Variants in L3MBTL3 observed in about 807,000 individuals in gnomAD.
L3MBTL3 encodes the protein lethal(3)malignant brain tumor-like protein 3.
A neutral mutation model predicts 102.3 loss-of-function variants in L3MBTL3; 27 were observed. That is an observed-to-expected ratio of 0.26 (90% confidence interval 0.19 to 0.36). The LOEUF is 0.36. L3MBTL3 is among the 10% of genes least tolerant of loss of function. L3MBTL3 has a pLI of 1.00. For missense variants in L3MBTL3, 798 were observed against 955.3 expected, an observed-to-expected ratio of 0.84 and a Z score of 2.17; for synonymous variants, 340 against 320.9, an observed-to-expected ratio of 1.06 and a Z score of -0.64.
chr6:130,068,340 A>T lies in L3MBTL3; in HGVS notation c.1011A>T (p.Glu337Asp). The change falls in exon 12 of 23, where the codon GAA becomes GAT. Residue 337 changes from glutamate to aspartate, a missense_variant. Coordinates refer to ENST00000361794, the MANE Select transcript of L3MBTL3 (RefSeq NM_032438.4). ...HKLHPPKGYKEEEFNWQTYLK... is the reference protein window; with the variant it reads ...HKLHPPKGYKDEEFNWQTYLK... ...ATGTGCTTACTCTAGGGTATAAAGA[A>T]GAAGAATTCAATTGGCAGACCTATC... The T allele has an allele frequency of 6.3e-7, 1 of 1,581,494 alleles. No individual in the cohort carries two copies. Among genetic ancestry groups the T allele is most frequent in the Non-Finnish European group, 8.7e-7 (1 of 1,150,606 alleles).
chr6:130,042,373 G>A (rs953090766), intron 2 of L3MBTL3, among the ~76,000 whole-genome samples: 3 of 152,024 alleles, frequency 2.0e-5, no homozygotes, highest in African/African-American at 7.2e-5. Flanking sequence ...TATCCATATG[G>A]CATTATGACT....
chr6:130,023,525 G>C (rs148255377), intron 2 of L3MBTL3, among the ~76,000 whole-genome samples: 1 of 152,178 alleles, frequency 6.6e-6, no homozygotes, highest in Admixed American at 6.5e-5. Flanking sequence ...TCTGTGGATA[G>C]AATGCTAGAA....
At chr6:130,028,031 T>C (rs1275139584) in intron 2 of L3MBTL3, among the ~76,000 whole-genome samples, 1 of 151,874 alleles carries the variant, frequency 6.6e-6, no homozygotes, top group Non-Finnish European at 1.5e-5. Context: ...AAATATGCCA[T>C]AGGCCCATTA....
intron 18 of L3MBTL3, among the ~76,000 whole-genome samples, chr6:130,101,515 AGAT>A (rs1784682584): frequency 1.3e-5 from 2 of 152,166 alleles, no homozygotes; most frequent in African/African-American, 4.8e-5. Flanking sequence ...CCCACCAATC[AGAT>A]GCTGCCATCC....
At chr6:130,095,772 G>C (rs1562306333) in intron 18 of L3MBTL3, among the ~76,000 whole-genome samples, 1 of 152,174 alleles carries the variant, frequency 6.6e-6, no homozygotes, top group African/African-American at 2.4e-5. Flanking sequence ...GAGGGCAAGA[G>C]AGCATGTGTG....
chr6:130,100,456 G>A (rs960550937), intron 18 of L3MBTL3, among the ~76,000 whole-genome samples: 77 of 152,120 alleles, frequency 5.1e-4, no homozygotes, highest in African/African-American at 1.8e-3. Context: ...GTGTGAAAAT[G>A]GGAGGTTTGT....
chr6:130,022,731 C>T (rs2114437411), intron 2 of L3MBTL3, among the ~76,000 whole-genome samples: 1 of 152,228 alleles, frequency 6.6e-6, no homozygotes, highest in Admixed American at 6.5e-5. Context: ...ATGAAATTTA[C>T]ATTGGGTGCT....
Position 130,119,588 on chromosome 6 carries a change from C to G in L3MBTL3, c.1887-1291C>G, listed in dbSNP as rs528472676. ...TTCTACTTTCTGTGGAATAAGAGAC[C>G]CTGTTGCCATTTAATTGATTTCTCT... On this transcript the variant is annotated intron_variant, in intron 19 of 22. Transcript: ENST00000361794. 9.9e-5 allele frequency among the ~76,000 whole-genome samples: 15 copies of G among 152,028 alleles called. No homozygotes were observed. The East Asian group carries it at 2.9e-3, about 29-fold the overall frequency.
chr6:130,085,938 A>G (rs969377257), intron 15 of L3MBTL3, among the ~76,000 whole-genome samples: 1 of 151,984 alleles, frequency 6.6e-6, no homozygotes, highest in South Asian at 2.1e-4. Flanking sequence ...TTTTTAATAG[A>G]GACAGGGTTC....
rs561061279 is a variant in L3MBTL3, at chr6:130,031,494, C to T, written c.-16+9189C>T. Reference sequence around the variant, plus strand: ...TGGTTGCACATCGATGTGCCCTGGACGTCTCCCAAAGACGCTAGGGTATTA... The same window carrying T: ...TGGTTGCACATCGATGTGCCCTGGATGTCTCCCAAAGACGCTAGGGTATTA... On this transcript the variant is annotated intron_variant, in intron 2 of 22. Coordinates refer to ENST00000361794, the MANE Select transcript of L3MBTL3 (RefSeq NM_032438.4). Among the ~76,000 whole-genome samples, 7 of 152,312 alleles carry T rather than the reference C, an allele frequency of 4.6e-5. No homozygotes were observed. The East Asian group carries it at 7.7e-4, about 17-fold the overall frequency.
rs1193559822 is a variant in L3MBTL3 at position 130,094,304 on chromosome 6, G to T, written c.1673G>T (p.Cys558Phe). ...ELMEASEHGGCSTPGCKGIGH... is the reference protein window; with the variant it reads ...ELMEASEHGGFSTPGCKGIGH... ...ATGGAAGCTTCAGAACATGGTGGATGCTCAACCCCGGGATGTAAAGGGATT... is the reference window on the plus strand; with the variant it reads ...ATGGAAGCTTCAGAACATGGTGGATTCTCAACCCCGGGATGTAAAGGGATT... Residue 558 changes from cysteine (C) to phenylalanine (F), a missense_variant, in exon 18 of 23, where the codon TGC becomes TTC. Cys to Phe is a radical substitution (Grantham distance 205). Transcript: ENST00000361794. 2 of 1,613,836 alleles carry T rather than the reference G, an allele frequency of 1.2e-6. No homozygotes were observed. The highest frequency in any genetic ancestry group is 1.7e-6 in the Non-Finnish European group (2 of 1,179,842).
intron 9 of L3MBTL3, among the ~76,000 whole-genome samples, chr6:130,059,394 C>T (rs999111923): frequency 6.6e-6 from 1 of 152,182 alleles, no homozygotes; most frequent in African/African-American, 2.4e-5. Flanking sequence ...TGAATCTCTT[C>T]ACCATTCTTT....
intron 16 of L3MBTL3, among the ~76,000 whole-genome samples, chr6:130,090,151 T>G (rs1783950700): frequency 6.6e-6 from 1 of 152,170 alleles, no homozygotes; most frequent in Non-Finnish European, 1.5e-5. Context: ...ATTAATTTAT[T>G]TCTAAGCTTA....
Position 130,094,374 on chromosome 6 carries a change from G to T in L3MBTL3, c.1736+7G>T. The T allele has an allele frequency of 6.2e-7, 1 of 1,602,206 alleles. No homozygotes were observed. Among genetic ancestry groups the T allele is most frequent in the East Asian group, 2.2e-5 (1 of 44,774 alleles). On this transcript the variant is annotated splice_region_variant and intron_variant, in intron 18 of 22. Transcript: ENST00000361794. ...GACATCTGGGCCCTCACAGGTATGT[G>T]GTAGCTGTCACTCACTTGGTCAGAT... is the stretch of plus-strand genomic sequence containing the variant.
intron 18 of L3MBTL3, among the ~76,000 whole-genome samples, chr6:130,094,921 G>A (rs1319631228): frequency 6.6e-6 from 1 of 152,060 alleles, no homozygotes; most frequent in Non-Finnish European, 1.5e-5. Flanking sequence ...GTGATTTAGG[G>A]ATCTTTGTAG....
rs527901509 is a variant in L3MBTL3, at chr6:130,114,498, G to C, written c.1887-6381G>C. ...CCCAAACCTCACCTTATTCGTTAAGGCTTTTCATTTAATAAGAGGATTAAT... is the reference window on the plus strand; with the variant it reads ...CCCAAACCTCACCTTATTCGTTAAGCCTTTTCATTTAATAAGAGGATTAAT... On this transcript the variant is annotated intron_variant, in intron 19 of 22. Coordinates refer to ENST00000361794, the MANE Select transcript of L3MBTL3 (RefSeq NM_032438.4). Among the ~76,000 whole-genome samples the C allele has an allele frequency of 4.6e-5, 7 of 152,212 alleles. No homozygotes were observed. In the South Asian group the frequency reaches 1.2e-3, roughly 27 times the overall value.
intron 2 of L3MBTL3, among the ~76,000 whole-genome samples, chr6:130,028,290 C>T (rs1779483270): frequency 6.6e-6 from 1 of 152,068 alleles, no homozygotes; most frequent in South Asian, 2.1e-4. Context: ...GAGACCATTG[C>T]AACATTATAA....
At chr6:130,052,760 G>A in intron 6 of L3MBTL3, 99 bp from the exon 7 acceptor site, 4 of 1,421,100 alleles carry the variant, frequency 2.8e-6, no homozygotes, top group Non-Finnish European at 3.7e-6. Flanking sequence ...TTCCTTTGCA[G>A]GGTGATTTTT....
chr6:130,059,271 A>T (rs1781736631), intron 9 of L3MBTL3, among the ~76,000 whole-genome samples: 1 of 152,186 alleles, frequency 6.6e-6, no homozygotes, highest in Non-Finnish European at 1.5e-5. Flanking sequence ...ATGTTCATAT[A>T]AGCAATATAT....
Sources: gnomAD v4.1 joint callset for allele counts (sites outside exome capture counted in the v4.1 genomes callset) on GRCh38, gnomAD v4.1.1 for gene constraint, MANE v1.5 for transcripts, NCBI Gene and HGNC (gene_info 2026-07-23, HGNC 2026-07-21) for gene names.